STK33: variants seen among roughly 807,000 people sequenced by gnomAD.
STK33 encodes the protein serine/threonine kinase 33, also known as serine/threonine-protein kinase 33.
A neutral mutation model predicts 58.0 loss-of-function variants in STK33; 52 were observed. The ratio of observed to expected loss-of-function variants is 0.90; its 90% CI spans 0.72 to 1.13. The LOEUF (loss-of-function observed/expected upper bound fraction) is 1.13, where lower values mean the gene tolerates loss of function less well. STK33 is among the 50% of genes most tolerant of loss of function. The pLI is 0.00. For synonymous variants in STK33, 215 were observed against 200.1 expected, an observed-to-expected ratio of 1.07 and a Z score of -0.63; for missense variants, 630 against 604.2, an observed-to-expected ratio of 1.04 and a Z score of -0.45.
intron 11 of STK33, among the ~76,000 whole-genome samples, chr11:8,442,467 T>G (rs1424527266): frequency 6.6e-6 from 1 of 152,204 alleles, no homozygotes; most frequent in African/African-American, 2.4e-5. Context: ...CGATTTGCAC[T>G]GTCATCCCAG....
intron 14 of STK33, among the ~76,000 whole-genome samples, chr11:8,430,865 A>C (rs1943335519): frequency 7.5e-6 from 1 of 133,706 alleles, no homozygotes; most frequent in Non-Finnish European, 1.6e-5. Flanking sequence ...TCCTTAACAT[A>C]ATTTTTTTTT....
intron 1 of STK33, among the ~76,000 whole-genome samples, chr11:8,571,829 T>A (rs766850187): frequency 1.4e-5 from 2 of 141,516 alleles, no homozygotes; most frequent in Non-Finnish European, 3.1e-5. Context: ...CGAGACCCAG[T>A]CTCAAAAAAA....
At chr11:8,447,449 G>A (rs571503784) in intron 11 of STK33, among the ~76,000 whole-genome samples, 228 of 152,180 alleles carry the variant, frequency 1.5e-3, no homozygotes, top group Non-Finnish European at 2.8e-3. Context: ...TGATCAAGTG[G>A]GCTTCATCTC....
At chr11:8,557,902 T>C (rs1032509044) in intron 1 of STK33, among the ~76,000 whole-genome samples, 5 of 152,196 alleles carry the variant, frequency 3.3e-5, no homozygotes, top group African/African-American at 1.2e-4. Context: ...ATAATAAACA[T>C]GGACGATTAG....
chr11:8,492,344 CAAAG>C (rs1950689403), intron 1 of STK33, among the ~76,000 whole-genome samples: 2 of 148,854 alleles, frequency 1.3e-5, no homozygotes, highest in Admixed American at 1.3e-4. Context: ...TCAAAAGAGA[CAAAG>C]AAGGCCACTA....
the STK33 span, among the ~76,000 whole-genome samples, chr11:8,358,183 A>G: frequency 6.6e-6 from 1 of 152,220 alleles, no homozygotes; most frequent in Non-Finnish European, 1.5e-5. Flanking sequence ...CAGTGGCCGC[A>G]GAGCCGGGCT....
Position 8,461,918 on chromosome 11 carries a change from A to C in STK33, c.454-9T>G. 1 of 1,566,474 alleles carries C rather than the reference A, an allele frequency of 6.4e-7. No homozygotes were observed. The highest frequency in any genetic ancestry group is 8.6e-7 in the Non-Finnish European group (1 of 1,159,160). On this transcript the variant is annotated splice_polypyrimidine_tract_variant and intron_variant, in intron 7 of 15. Transcript: ENST00000687296. ...ACAGCAGAGCTTCCAGCCTTAATCAATGAAGAAACACAGATTTCACATAAT... is the reference window on the plus strand; with the variant it reads ...ACAGCAGAGCTTCCAGCCTTAATCACTGAAGAAACACAGATTTCACATAAT...
chr11:8,566,724 A>C (rs1205292613), intron 1 of STK33, among the ~76,000 whole-genome samples: 1 of 152,212 alleles, frequency 6.6e-6, no homozygotes, highest in Non-Finnish European at 1.5e-5. Flanking sequence ...ATACTTCTTT[A>C]ATTTAGTAAA....
At chr11:8,464,647 C>T in intron 7 of STK33, 62 bp downstream of exon 7, 2 of 1,212,280 alleles carry the variant, frequency 1.6e-6, no homozygotes, top group Non-Finnish European at 2.4e-6. Context: ...AAAAGCTGTA[C>T]TGTCCACACC....
intron 1 of STK33, among the ~76,000 whole-genome samples, chr11:8,579,774 C>T (rs1958437358): frequency 6.6e-6 from 1 of 152,006 alleles, no homozygotes; most frequent in African/African-American, 2.4e-5. Flanking sequence ...ACCCCGTTTA[C>T]ATCTAATAAT....
intron 1 of STK33, among the ~76,000 whole-genome samples, chr11:8,520,352 T>G (rs533229619): frequency 3.8e-4 from 58 of 152,182 alleles, no homozygotes; most frequent in Admixed American, 1.5e-3. Flanking sequence ...CTCAAAATAA[T>G]AAGAGCTATT....
chr11:8,398,058 C>T (rs550026565), intron 15 of STK33, among the ~76,000 whole-genome samples: 2 of 152,224 alleles, frequency 1.3e-5, no homozygotes, highest in African/African-American at 4.8e-5. Flanking sequence ...TCCAGGAGAA[C>T]TTCCCCAATC....
At chr11:8,337,747 A>C in the STK33 span, among the ~76,000 whole-genome samples, 4 of 144,956 alleles carry the variant, frequency 2.8e-5, no homozygotes, top group Admixed American at 1.4e-4. Flanking sequence ...TGTTCACCCC[A>C]CTCCAGCCCT....
At chr11:8,561,414 C>T (rs1475908767) in intron 1 of STK33, among the ~76,000 whole-genome samples, 2 of 152,162 alleles carry the variant, frequency 1.3e-5, no homozygotes, top group Non-Finnish European at 2.9e-5. Context: ...GTCTCATTTT[C>T]CCCCTTTCGG....
At chr11:8,462,430 T>A (rs1053227811) in intron 7 of STK33, among the ~76,000 whole-genome samples, 22 of 98,176 alleles carry the variant, frequency 2.2e-4, no homozygotes, top group African/African-American at 6.2e-4. Context: ...TATATATACA[T>A]ATATACATAT....
chr11:8,337,240 GAA>G, the STK33 span, among the ~76,000 whole-genome samples: 1 of 152,230 alleles, frequency 6.6e-6, no homozygotes, highest in Non-Finnish European at 1.5e-5. Context: ...TCAGACTGGG[GAA>G]AAGTCTTATT....
chr11:8,484,000 C>T (rs115548906), intron 1 of STK33, among the ~76,000 whole-genome samples: 152 of 152,198 alleles, frequency 1.0e-3, no homozygotes, highest in African/African-American at 3.5e-3. Flanking sequence ...TCTAAAGACC[C>T]CAAGTTTCTA....
the STK33 span, among the ~76,000 whole-genome samples, chr11:8,353,469 C>G: frequency 6.6e-6 from 1 of 152,250 alleles, no homozygotes; most frequent in African/African-American, 2.4e-5. Flanking sequence ...CCCATCCACA[C>G]AGCTCCGTTT....
chr11:8,419,036 G>A (rs1013641623), intron 14 of STK33, among the ~76,000 whole-genome samples: 4 of 151,586 alleles, frequency 2.6e-5, no homozygotes, highest in African/African-American at 9.7e-5. Context: ...CCCATTCTGT[G>A]GGCTGTTTGT....
Sources: gnomAD v4.1 joint callset for allele counts (sites outside exome capture counted in the v4.1 genomes callset) on GRCh38, gnomAD v4.1.1 for gene constraint, MANE v1.5 for transcripts, NCBI Gene and HGNC (gene_info 2026-07-23, HGNC 2026-07-21) for gene names.